ESR2: variants seen among roughly 807,000 people sequenced by gnomAD.
ESR2 encodes the protein estrogen receptor beta.
ESR2 carries 36 observed loss-of-function variants against 49.6 expected under a neutral mutation model. The ratio of observed to expected loss-of-function variants is 0.73; its 90% CI spans 0.56 to 0.96. The LOEUF (loss-of-function observed/expected upper bound fraction) is 0.96. ESR2 is among the 40% of genes least tolerant of loss of function. The probability of loss-of-function intolerance (pLI) is 0.00; values close to 1 mark genes in which losing one functional copy is unlikely to be tolerated. For missense variants in ESR2, 714 were observed against 693.0 expected, an observed-to-expected ratio of 1.03 and a Z score of -0.34; for synonymous variants, 320 against 266.1, an observed-to-expected ratio of 1.20 and a Z score of -1.97.
At chr14:64,309,463 AG>A (rs2077155918) in intron 1 of ESR2, among the ~76,000 whole-genome samples, 1 of 151,670 alleles carries the variant, frequency 6.6e-6, no homozygotes, top group Admixed American at 6.6e-5. Context: ...AATACAAAAA[AG>A]TATTGTATTG....
chr14:64,332,365 C>G (rs550934884), intron 1 of ESR2: 1 of 152,246 alleles, frequency 6.6e-6, no homozygotes, highest in African/African-American at 2.4e-5. Context: ...ATTGGTCTAA[C>G]GTACAGTAAA....
Position 64,282,745 on chromosome 14 carries a change from G to T in ESR2, c.241C>A (p.Pro81Thr). The change falls in exon 2 of 9, where the codon CCA becomes ACA. Residue 81 changes from proline to threonine, a missense_variant. Coordinates refer to ENST00000341099, the MANE Select transcript of ESR2 (RefSeq NM_001437.3). ...AAAGGAGAAAGGTGCCCAGGTGTTG[G>T]CCACAACACATTTGGGCTTGTGGTC... is the stretch of plus-strand genomic sequence containing the variant. ...RQTTSPNVLW[P>T]TPGHLSPLVV... The T allele has an allele frequency of 6.2e-7, 1 of 1,614,182 alleles. No individual in the cohort carries two copies. The highest frequency in any genetic ancestry group is 1.3e-5 in the African/African-American group (1 of 75,040).
intron 7 of ESR2, 101 bp from the exon 8 acceptor site, chr14:64,235,251 CT>C: frequency 8.0e-7 from 1 of 1,246,756 alleles, no homozygotes; most frequent in South Asian, 1.4e-5. Context: ...ATCTGGGTTG[CT>C]TTGACAGCTG....
intron 3 of ESR2, among the ~76,000 whole-genome samples, chr14:64,269,538 C>T (rs1371894906): frequency 6.6e-6 from 1 of 152,152 alleles, no homozygotes; most frequent in Non-Finnish European, 1.5e-5. Flanking sequence ...GACCACAGGA[C>T]TTTTTATAGC....
rs569383120 is a variant in ESR2, at chr14:64,231,614, C to G, written c.*1523G>C. On this transcript the variant is annotated 3_prime_UTR_variant, in exon 9 of 9. Transcript: ENST00000341099. ...TACTAGCAAAAACCAGTCTTGGTAA[C>G]ACTGAATGCAGTCTTCCTAATGACT... 1.3e-5 allele frequency: 2 copies of G among 152,222 alleles called. No individual in the cohort carries two copies. Among genetic ancestry groups the G allele is most frequent in the Non-Finnish European group, 2.9e-5 (2 of 68,042 alleles). 9.4% of individuals were successfully genotyped at this position (152,222 alleles called of 1,614,324 possible).
intron 7 of ESR2, among the ~76,000 whole-genome samples, chr14:64,246,766 A>AAAAAAAAAAAAAC (rs1567739377): frequency 7.5e-6 from 1 of 133,880 alleles, no homozygotes; most frequent in African/African-American, 2.8e-5. Context: ...AAAAAAAAAA[A>AAAAAAAAAAAAAC]ACACACCTGG....
At chr14:64,295,180 C>T (rs768460573), upstream of ESR2, among the ~76,000 whole-genome samples, 3 of 137,400 alleles carry the variant, frequency 2.2e-5, no homozygotes, top group Non-Finnish European at 4.6e-5. Context: ...TAGCATGTGA[C>T]CCACAGGCCA....
rs942075175 is a variant in ESR2, at chr14:64,231,626, T to G, written c.*1511A>C. The G allele has an allele frequency of 2.0e-5, 3 of 152,228 alleles. No individual in the cohort carries two copies. Among genetic ancestry groups the G allele is most frequent in the African/African-American group, 7.2e-5 (3 of 41,462 alleles). 9.4% of individuals were successfully genotyped at this position (152,228 alleles called of 1,614,324 possible). On this transcript the variant is annotated 3_prime_UTR_variant, in exon 9 of 9. Coordinates refer to ENST00000341099, the MANE Select transcript of ESR2 (RefSeq NM_001437.3). ...CCAGTCTTGGTAACACTGAATGCAG[T>G]CTTCCTAATGACTTAGTAAATACAG...
At chr14:64,255,057 A>T (rs1405396860) in intron 6 of ESR2, among the ~76,000 whole-genome samples, 1 of 152,142 alleles carries the variant, frequency 6.6e-6, no homozygotes, top group Non-Finnish European at 1.5e-5. Context: ...ACTTATAGTA[A>T]TGTATACACA....
chr14:64,247,321 G>A (rs1161333166), intron 7 of ESR2, among the ~76,000 whole-genome samples: 1 of 125,658 alleles, frequency 8.0e-6, no homozygotes, highest in African/African-American at 3.8e-5. Flanking sequence ...AACAGAGTGA[G>A]GCTCTGTCTC....
chr14:64,289,429 T>C (rs1311455103), intron 1 of ESR2, among the ~76,000 whole-genome samples: 1 of 151,924 alleles, frequency 6.6e-6, no homozygotes, highest in Non-Finnish European at 1.5e-5. Context: ...GGACAATCGC[T>C]TGAACCTGGG....
Position 64,282,737 on chromosome 14 carries a change from A to G in ESR2, c.249T>C (p.Pro83=). Residue 83 remains proline (P), a synonymous_variant, in exon 2 of 9, where the codon CCT becomes CCC. Transcript: ENST00000341099. ...TTSPNVLWPT[P]GHLSPLVVHR... Reference sequence around the variant, plus strand: ...GGACCACTAAAGGAGAAAGGTGCCCAGGTGTTGGCCACAACACATTTGGGC... The same window carrying G: ...GGACCACTAAAGGAGAAAGGTGCCCGGGTGTTGGCCACAACACATTTGGGC... 1 of 1,614,258 alleles carries G rather than the reference A, an allele frequency of 6.2e-7. No individual in the cohort carries two copies. Among genetic ancestry groups the G allele is most frequent in the Non-Finnish European group, 8.5e-7 (1 of 1,180,038 alleles).
intron 1 of ESR2, among the ~76,000 whole-genome samples, chr14:64,335,208 G>GT (rs2077513872): frequency 6.6e-6 from 1 of 152,188 alleles, no homozygotes; most frequent in Non-Finnish European, 1.5e-5. Context: ...ACACAAAGGA[G>GT]TAACTTTTGT....
chr14:64,310,442 C>T (rs2077174485), intron 1 of ESR2, among the ~76,000 whole-genome samples: 1 of 150,722 alleles, frequency 6.6e-6, no homozygotes, highest in East Asian at 1.9e-4. Context: ...TTTATGAGTG[C>T]AGTTTGCCTT....
chr14:64,282,785 A>G lies in ESR2; in HGVS notation c.201T>C (p.Gly67=), dbSNP rs1180376168. 6.2e-7 allele frequency: 1 copy of G among 1,614,092 alleles called. No homozygotes were observed. Among genetic ancestry groups the G allele is most frequent in the Non-Finnish European group, 8.5e-7 (1 of 1,180,034 alleles). The change falls in exon 2 of 9, where the codon GGT becomes GGC. Residue 67 remains glycine, a synonymous_variant. Transcript: ENST00000341099. ...GGCTTGTGGTCTGCCGACCAGGCCCACCTTCCAAGTTAGTGACATTGCTGG... is the reference window on the plus strand; with the variant it reads ...GGCTTGTGGTCTGCCGACCAGGCCCGCCTTCCAAGTTAGTGACATTGCTGG... ...SIPSNVTNLE[G]GPGRQTTSPN... is the part of the protein sequence containing the mutation.
intron 6 of ESR2, among the ~76,000 whole-genome samples, chr14:64,252,872 T>C (rs1304578429): frequency 1.3e-5 from 2 of 152,150 alleles, no homozygotes; most frequent in Non-Finnish European, 2.9e-5. Context: ...CTTTTTTTTT[T>C]TGAGACAGGG....
chr14:64,227,343 C>T (rs1406914633), downstream of ESR2: 6 of 648,148 alleles, frequency 9.3e-6, no homozygotes, highest in South Asian at 6.0e-5. Context: ...TTCACTTTAG[C>T]GTTTACAGTT....
intron 1 of ESR2, among the ~76,000 whole-genome samples, chr14:64,307,033 T>C (rs919418313): frequency 1.3e-5 from 2 of 152,168 alleles, no homozygotes; most frequent in African/African-American, 4.8e-5. Flanking sequence ...TTGTCCATTT[T>C]ATATATGTTG....
At chr14:64,287,922 G>C (rs2076807814) in intron 1 of ESR2, among the ~76,000 whole-genome samples, 1 of 152,206 alleles carries the variant, frequency 6.6e-6, no homozygotes, top group Non-Finnish European at 1.5e-5. Flanking sequence ...TGTCTCTAAA[G>C]AGTTTAATTG....
Sources: gnomAD v4.1 joint callset for allele counts (sites outside exome capture counted in the v4.1 genomes callset) on GRCh38, gnomAD v4.1.1 for gene constraint, MANE v1.5 for transcripts, NCBI Gene and HGNC (gene_info 2026-07-23, HGNC 2026-07-21) for gene names.